The following NFX1 variants were observed in gnomAD, a reference collection of about 807,000 sequenced individuals.
NFX1 encodes the protein transcriptional repressor NF-X1.
NFX1 carries 69 observed loss-of-function variants against 137.2 expected under a neutral mutation model. The ratio of observed to expected loss-of-function variants is 0.50; its 90% confidence interval spans 0.41 to 0.61. The LOEUF is 0.61. NFX1 is among the 20% of genes least tolerant of loss of function. The pLI is 0.00. For missense variants in NFX1, 1,167 were observed against 1,391.0 expected, an observed-to-expected ratio of 0.84 and a Z score of 2.56; for synonymous variants, 495 against 474.1, an observed-to-expected ratio of 1.04 and a Z score of -0.57.
chr9:33,317,435 AGAAAGAAAG>A (rs1822206843), intron 7 of NFX1, among the ~76,000 whole-genome samples: 1 of 145,120 alleles, frequency 6.9e-6, no homozygotes, highest in Non-Finnish European at 1.5e-5. Context: ...AAAAAAAAAA[AGAAAGAAAG>A]AAAAGAAAAG....
intron 6 of NFX1, among the ~76,000 whole-genome samples, chr9:33,313,016 A>G (rs556982079): frequency 1.4e-4 from 21 of 152,222 alleles, no homozygotes; most frequent in Non-Finnish European, 2.9e-4. Context: ...GTCTCAGGAT[A>G]ATGCCATTGT....
rs760406085 is a variant in NFX1, at chr9:33,301,342, G to A, written c.1113G>A (p.Val371=). The A allele has an allele frequency of 6.2e-7, 1 of 1,614,222 alleles. No homozygotes were observed. The highest frequency in any genetic ancestry group is 1.1e-5 in the South Asian group (1 of 91,074). ...CCELVRVTAP[V]WSCQSCYHVF... is the part of the protein sequence containing the mutation. ...AATTGGTTCGTGTCACGGCCCCAGT[G>A]TGGAGTTGTCAGAGCTGTTACCATG... The change falls in exon 3 of 24, where the codon GTG becomes GTA. Residue 371 remains valine (V), a synonymous_variant. Coordinates refer to ENST00000379540, the MANE Select transcript of NFX1 (RefSeq NM_002504.6).
chr9:33,351,300 A>G (rs2118638096), intron 15 of NFX1, among the ~76,000 whole-genome samples: 1 of 152,276 alleles, frequency 6.6e-6, no homozygotes, highest in South Asian at 2.1e-4. Context: ...TCTTAAAAAA[A>G]AATTCAAAAA....
chr9:33,347,157 G>A, intron 15 of NFX1, 40 bp downstream of exon 15: 1 of 1,444,988 alleles, frequency 6.9e-7, no homozygotes, highest in African/African-American at 1.4e-5. Context: ...TCCAGGCAGA[G>A]GTTCATGATT....
At position 33,318,892 on chromosome 9, in the gene NFX1, A is replaced by G. The variant is rs1316774433; in HGVS notation, c.1689-18A>G. ...GCACTTTATGCAACAATTATGTAAT[A>G]GTGTGTTTTCTTAACAGGGACTTGA... is the stretch of plus-strand genomic sequence containing the variant. On this transcript the variant is annotated intron_variant, in intron 8 of 23. Coordinates refer to ENST00000379540, the MANE Select transcript of NFX1 (RefSeq NM_002504.6). 1 of 1,614,204 alleles carries G rather than the reference A, an allele frequency of 6.2e-7. No homozygotes were observed. The highest frequency in any genetic ancestry group is 8.5e-7 in the Non-Finnish European group (1 of 1,179,988).
rs765344674 is a variant in NFX1 at position 33,332,519 on chromosome 9, G to A, written c.2035+17G>A. ...AAAGTGAAGGTATGACTGGGGTGGG[G>A]CATGAGGGAATTTCTGGGGTGAAAG... On this transcript the variant is annotated intron_variant, in intron 11 of 23. Coordinates refer to ENST00000379540, the MANE Select transcript of NFX1 (RefSeq NM_002504.6). The A allele has an allele frequency of 2.6e-6, 4 of 1,556,276 alleles. No homozygotes were observed. In the South Asian group the frequency reaches 3.5e-5, roughly 14 times the overall value.
chr9:33,338,306 G>C (rs1273104485), intron 11 of NFX1, among the ~76,000 whole-genome samples: 1 of 151,844 alleles, frequency 6.6e-6, no homozygotes, highest in Non-Finnish European at 1.5e-5. Context: ...AGTGAGCCGA[G>C]ATCACACCAC....
chr9:33,347,521 C>A (rs758240529), intron 15 of NFX1: 5 of 179,776 alleles, frequency 2.8e-5, no homozygotes, highest in African/African-American at 7.2e-5. Context: ...TGGCAATAAT[C>A]AAAAAATAAT....
intron 21 of NFX1, chr9:33,365,729 G>C (rs1176529870): frequency 2.0e-5 from 3 of 152,246 alleles, no homozygotes; most frequent in Middle Eastern, 3.2e-3. Flanking sequence ...GGGACACTTA[G>C]GAAGACACTC....
intron 1 of NFX1, among the ~76,000 whole-genome samples, chr9:33,292,672 T>A (rs954644742): frequency 6.6e-6 from 1 of 152,236 alleles, no homozygotes; most frequent in African/African-American, 2.4e-5. Context: ...CTTTGCCTGC[T>A]GCCTCATGTC....
intron 9 of NFX1, among the ~76,000 whole-genome samples, chr9:33,325,126 G>A (rs1227468531): frequency 6.6e-6 from 1 of 152,022 alleles, no homozygotes; most frequent in East Asian, 1.9e-4. Context: ...CAAATGTATT[G>A]AAAAACACTA....
At chr9:33,337,582 C>T (rs1284393863) in intron 11 of NFX1, among the ~76,000 whole-genome samples, 1 of 152,196 alleles carries the variant, frequency 6.6e-6, no homozygotes, top group East Asian at 1.9e-4. Flanking sequence ...TATGCATTTT[C>T]AGCTGGGCAG....
chr9:33,318,118 A>T (rs1822242888), intron 7 of NFX1, among the ~76,000 whole-genome samples: 3 of 151,902 alleles, frequency 2.0e-5, no homozygotes, highest in South Asian at 4.1e-4. Flanking sequence ...ATGTGATTTT[A>T]AAAATGTGAT....
At chr9:33,361,047 C>T (rs1823970894) in intron 19 of NFX1, among the ~76,000 whole-genome samples, 1 of 152,184 alleles carries the variant, frequency 6.6e-6, no homozygotes, top group Non-Finnish European at 1.5e-5. Context: ...CCACATTGAT[C>T]AAGAGTCTTA....
intron 23 of NFX1, 79 bp downstream of exon 23, chr9:33,367,698 C>A: frequency 1.4e-6 from 2 of 1,408,352 alleles, no homozygotes; most frequent in Admixed American, 1.8e-5. Flanking sequence ...CTGAGCTGCA[C>A]CAGCCATTGG....
intron 15 of NFX1, among the ~76,000 whole-genome samples, 156 bp downstream of exon 15, chr9:33,347,273 C>G (rs1823458097): frequency 6.6e-6 from 1 of 152,146 alleles, no homozygotes; most frequent in African/African-American, 2.4e-5. Flanking sequence ...AATTTGCATA[C>G]AACAGAATTT....
At chr9:33,362,629 G>T (rs1824031251) in intron 19 of NFX1, among the ~76,000 whole-genome samples, 1 of 151,158 alleles carries the variant, frequency 6.6e-6, no homozygotes, top group African/African-American at 2.4e-5. Flanking sequence ...GAAAAGGGAG[G>T]TTGAGGAGAG....
chr9:33,304,344 C>G (rs1200182201), intron 4 of NFX1, among the ~76,000 whole-genome samples: 1 of 152,310 alleles, frequency 6.6e-6, no homozygotes. Context: ...TTTATAAGCT[C>G]ATAATCTTTT....
chr9:33,342,729 T>G lies in NFX1; in HGVS notation c.2116-17T>G. ...ATGAAGACCATTTTATGAACAAATATAAATCTCTTTTCCCAGGATAAGGAG... is the reference window on the plus strand; with the variant it reads ...ATGAAGACCATTTTATGAACAAATAGAAATCTCTTTTCCCAGGATAAGGAG... On this transcript the variant is annotated splice_polypyrimidine_tract_variant and intron_variant, in intron 12 of 23. Transcript: ENST00000379540. The G allele has an allele frequency of 6.4e-7, 1 of 1,557,402 alleles. No individual in the cohort carries two copies. The highest frequency in any genetic ancestry group is 8.7e-7 in the Non-Finnish European group (1 of 1,144,482).
Sources: gnomAD v4.1 joint callset for allele counts (sites outside exome capture counted in the v4.1 genomes callset) on GRCh38, gnomAD v4.1.1 for gene constraint, MANE v1.5 for transcripts, NCBI Gene and HGNC (gene_info 2026-07-23, HGNC 2026-07-21) for gene names.